CLNK: variants seen among roughly 807,000 people sequenced by gnomAD.
CLNK encodes cytokine-dependent hematopoietic cell linker.
A neutral mutation model predicts 68.6 loss-of-function variants in CLNK; 74 were observed. The ratio of observed to expected loss-of-function variants is 1.08; its 90% CI spans 0.89 to 1.31. The LOEUF (loss-of-function observed/expected upper bound fraction) is 1.31, where lower values mean the gene tolerates loss of function less well. Ranked by LOEUF, CLNK falls within the 50% of genes most tolerant of loss-of-function variation. The pLI is 0.00. For missense variants in CLNK, 553 were observed against 515.3 expected (o/e 1.07, Z -0.71); for synonymous variants, 198 against 172.2 (o/e 1.15, Z -1.17).
Position 10,531,513 on chromosome 4 carries a change from C to A in CLNK, c.630+743G>T, listed in dbSNP as rs923531473. ...GTACAATGGCATGATCTTGGCTCAC[C>A]GTAACCTCTGCCTCCTGGGTTCAAG... On this transcript the variant is annotated intron_variant, in intron 12 of 18. Coordinates refer to ENST00000226951, the MANE Select transcript of CLNK (RefSeq NM_052964.4). 36 of 231,438 alleles carry A rather than the reference C, an allele frequency of 1.6e-4. 2 individuals carry two copies. Among genetic ancestry groups the A allele is most frequent in the South Asian group, 1.1e-3 (23 of 20,294 alleles). 14.3% of individuals were successfully genotyped at this position (231,438 alleles called of 1,614,324 possible). A position where few individuals can be genotyped will look rare whatever the true frequency, so the allele number is the denominator to read the frequency against.
chr4:10,530,626 A>T (rs2286462), intron 12 of CLNK, among the ~76,000 whole-genome samples: 3 of 151,798 alleles, frequency 2.0e-5, no homozygotes, highest in Non-Finnish European at 4.4e-5. Flanking sequence ...CTGACCCCCC[A>T]TCTCCCAATT....
intron 17 of CLNK, among the ~76,000 whole-genome samples, chr4:10,504,116 C>CTTTTTTTTTTT (rs10660433): frequency 1.5e-5 from 1 of 67,328 alleles, no homozygotes; most frequent in Non-Finnish European, 2.7e-5. Context: ...TCTTTGGGTT[C>CTTTTTTTTTTT]TTTTTTTTTT....
At chr4:10,714,638 T>G in the CLNK span, among the ~76,000 whole-genome samples, 1 of 152,132 alleles carries the variant, frequency 6.6e-6, no homozygotes, top group Non-Finnish European at 1.5e-5. Context: ...CTGTGGTCCT[T>G]AGATCTCTTT....
intron 16 of CLNK, among the ~76,000 whole-genome samples, chr4:10,508,304 G>T (rs1717401297): frequency 6.6e-6 from 1 of 152,160 alleles, no homozygotes; most frequent in South Asian, 2.1e-4. Flanking sequence ...CTTCAGAATG[G>T]ATAATAAGCC....
In CLNK at chr4:10,531,433, TTTAA is replaced by T. The variant is rs767161363; in HGVS notation, c.630+819_630+822del. The T allele has an allele frequency of 6.0e-4, 92 of 153,598 alleles. 1 individual carries two copies. The Middle Eastern group carries it at 0.024, about 40-fold the overall frequency. 9.5% of individuals were successfully genotyped at this position (153,598 alleles called of 1,614,324 possible). On this transcript the variant is annotated intron_variant, in intron 12 of 18. Coordinates refer to ENST00000226951, the MANE Select transcript of CLNK (RefSeq NM_052964.4). ...CCCTATTTTATTTTATTTTTATTTA[TTTAA>T]TTAATTTATTTATTTTGAGATGGAG...
intron 2 of CLNK, among the ~76,000 whole-genome samples, chr4:10,640,489 C>G (rs1234978421): frequency 2.0e-5 from 3 of 152,166 alleles, no homozygotes; most frequent in Non-Finnish European, 4.4e-5. Context: ...TTGAAGAGGT[C>G]TTAAAAGTAT....
chr4:10,620,732 G>A (rs1366194164), intron 2 of CLNK, among the ~76,000 whole-genome samples: 1 of 151,984 alleles, frequency 6.6e-6, no homozygotes, highest in East Asian at 1.9e-4. Flanking sequence ...TTATAATGTT[G>A]ACAGTACAGT....
chr4:10,733,620 A>G, the CLNK span, among the ~76,000 whole-genome samples: 3 of 152,216 alleles, frequency 2.0e-5, no homozygotes, highest in African/African-American at 7.2e-5. Context: ...CTGGTTTGCC[A>G]TGCATCTGTG....
intron 2 of CLNK, among the ~76,000 whole-genome samples, chr4:10,636,352 T>C (rs1481686570): frequency 6.6e-6 from 1 of 151,842 alleles, no homozygotes; most frequent in African/African-American, 2.4e-5. Context: ...AAGATGGCCA[T>C]GTAACGATAG....
intron 1 of CLNK, among the ~76,000 whole-genome samples, chr4:10,668,774 C>T (rs1724512067): frequency 6.6e-6 from 1 of 152,148 alleles, no homozygotes; most frequent in South Asian, 2.1e-4. Flanking sequence ...GTTGTGGGAC[C>T]TGCAGGGAGG....
At chr4:10,536,658 C>T (rs1162188047) in intron 11 of CLNK, among the ~76,000 whole-genome samples, 1 of 152,168 alleles carries the variant, frequency 6.6e-6, no homozygotes, top group Non-Finnish European at 1.5e-5. Context: ...CTTTACTCTT[C>T]TGAGGCTTAG....
At chr4:10,608,501 C>T (rs571014231) in intron 2 of CLNK, among the ~76,000 whole-genome samples, 1 of 152,300 alleles carries the variant, frequency 6.6e-6, no homozygotes, top group Non-Finnish European at 1.5e-5. Flanking sequence ...TTGCTCTCTC[C>T]TTAGTGAACA....
chr4:10,623,430 G>T (rs1722539940), intron 2 of CLNK, among the ~76,000 whole-genome samples: 1 of 152,166 alleles, frequency 6.6e-6, no homozygotes, highest in African/African-American at 2.4e-5. Context: ...GCCAGAGTAA[G>T]AGCTCTGGAA....
chr4:10,608,855 C>T (rs545486107), intron 2 of CLNK, among the ~76,000 whole-genome samples: 30 of 152,152 alleles, frequency 2.0e-4, no homozygotes, highest in Non-Finnish European at 4.0e-4. Context: ...TCAAGCTACC[C>T]TTAGAACTGG....
chr4:10,589,912 G>C (rs1282807370), intron 3 of CLNK, among the ~76,000 whole-genome samples: 1 of 152,212 alleles, frequency 6.6e-6, no homozygotes, highest in Non-Finnish European at 1.5e-5. Context: ...ATGCACCCTG[G>C]CTGCCTTTTG....
intron 18 of CLNK, among the ~76,000 whole-genome samples, chr4:10,491,472 G>C (rs988810364): frequency 5.9e-5 from 9 of 152,206 alleles, no homozygotes; most frequent in African/African-American, 1.9e-4. Flanking sequence ...GGACAACCAC[G>C]GGGCTGCTTA....
rs182827131 is a variant in CLNK at position 10,673,855 on chromosome 4, G to A, written c.-42-5944C>T. Among the ~76,000 whole-genome samples, 1,145 of 152,300 alleles carry A rather than the reference G, an allele frequency of 7.5e-3. 11 individuals are homozygous for A. Among genetic ancestry groups the A allele is most frequent in the Middle Eastern group, 0.071 (21 of 294 alleles). On this transcript the variant is annotated intron_variant, in intron 1 of 18. Coordinates refer to ENST00000226951, the MANE Select transcript of CLNK (RefSeq NM_052964.4). ...ACTTCAAGATCTGACCCAGATCAAA[G>A]AGTATGCAACATCTTCTTGCCTTGA...
At chr4:10,662,233 A>C (rs1289002969) in intron 2 of CLNK, among the ~76,000 whole-genome samples, 1 of 152,222 alleles carries the variant, frequency 6.6e-6, no homozygotes, top group African/African-American at 2.4e-5. Flanking sequence ...AAACTGCCTC[A>C]TAAAACTCTA....
intron 2 of CLNK, among the ~76,000 whole-genome samples, chr4:10,661,750 T>C (rs191408120): frequency 1.3e-5 from 2 of 152,216 alleles, no homozygotes; most frequent in Admixed American, 1.3e-4. Context: ...ATGATTAACA[T>C]TGACTTGAAG....
Sources: gnomAD v4.1 joint callset for allele counts (sites outside exome capture counted in the v4.1 genomes callset) on GRCh38, gnomAD v4.1.1 for gene constraint, MANE v1.5 for transcripts, NCBI Gene and HGNC (gene_info 2026-07-23, HGNC 2026-07-21) for gene names.